The following DNAH8 variants were observed in gnomAD, a reference collection of about 807,000 sequenced individuals.
DNAH8 encodes dynein axonemal heavy chain 8.
In DNAH8, 382 loss-of-function variants were observed where a neutral mutation model predicts 562.1. The observed-to-expected ratio is 0.68, with a 90% CI of 0.63 to 0.74. The LOEUF (loss-of-function observed/expected upper bound fraction) is 0.74, where lower values mean the gene tolerates loss of function less well. Among genes scored for constraint, DNAH8 ranks in the 30% least tolerant of loss-of-function variants. DNAH8 has a pLI of 0.00. For missense variants in DNAH8, 5,203 were observed against 5,620.4 expected, an observed-to-expected ratio of 0.93 and a Z score of 2.37; for synonymous variants, 1,881 against 1,919.4, an observed-to-expected ratio of 0.98 and a Z score of 0.52.
rs1266478832 is a variant in DNAH8 at position 38,838,009 on chromosome 6, C to A, written c.4433C>A (p.Pro1478His). The change falls in exon 33 of 93, where the codon CCT becomes CAT. Residue 1478 changes from proline to histidine, a missense_variant. By Grantham distance (77) the Pro-to-His change is moderately conservative. Around this residue, in one of 6 missense-constraint regions of DNAH8, gnomAD observed 2,176 missense variants for 2,365.1 expected, o/e 0.92. Transcript: ENST00000327475. ...YSSGEQLFGLPVTDYEVLHKT... is the reference protein window; with the variant it reads ...YSSGEQLFGLHVTDYEVLHKT... ...TCTGGTGAACAACTTTTTGGATTGC[C>A]TGTGACTGATTATGAGGTTTTACAC... 6.2e-7 allele frequency: 1 copy of A among 1,612,504 alleles called. No individual in the cohort carries two copies. Among genetic ancestry groups the A allele is most frequent in the East Asian group, 2.2e-5 (1 of 44,748 alleles).
At chr6:38,861,574 T>C (rs1776621129) in intron 43 of DNAH8, among the ~76,000 whole-genome samples, 1 of 152,200 alleles carries the variant, frequency 6.6e-6, no homozygotes, top group African/African-American at 2.4e-5. Flanking sequence ...TTTTTTTGTT[T>C]TGAGACAGAG....
chr6:38,801,792 C>T (rs547038225), intron 21 of DNAH8, among the ~76,000 whole-genome samples: 1 of 152,254 alleles, frequency 6.6e-6, no homozygotes, highest in South Asian at 2.1e-4. Context: ...CATTCAGATA[C>T]AGATTAGACA....
chr6:39,025,306 A>G (rs994114215), intron 91 of DNAH8, among the ~76,000 whole-genome samples: 3 of 152,120 alleles, frequency 2.0e-5, no homozygotes, highest in African/African-American at 7.2e-5. Context: ...TTTTTTCATA[A>G]TGACAACGTT....
chr6:38,863,518 A>G (rs140169738), intron 44 of DNAH8, among the ~76,000 whole-genome samples: 183 of 152,260 alleles, frequency 1.2e-3, no homozygotes, highest in African/African-American at 4.1e-3. Context: ...AACAACAACA[A>G]CAACAAACAA....
chr6:38,821,344 C>T (rs1186976936), intron 26 of DNAH8, among the ~76,000 whole-genome samples: 2 of 152,176 alleles, frequency 1.3e-5, no homozygotes, highest in Non-Finnish European at 2.9e-5. Flanking sequence ...AGAGATACAT[C>T]ATGCTCATGG....
chr6:38,757,351 C>T (rs1323006411), intron 10 of DNAH8, among the ~76,000 whole-genome samples: 1 of 151,934 alleles, frequency 6.6e-6, no homozygotes, highest in Non-Finnish European at 1.5e-5. Context: ...ATCCTTTGCC[C>T]ACTTTTTGAT....
intron 56 of DNAH8, among the ~76,000 whole-genome samples, chr6:38,884,907 C>A (rs908300247): frequency 1.4e-5 from 2 of 138,550 alleles, no homozygotes; most frequent in Admixed American, 1.4e-4. Flanking sequence ...CTGGTGGGAT[C>A]CCCAACACTT....
chr6:38,884,380 C>T (rs1220560287), intron 56 of DNAH8, among the ~76,000 whole-genome samples: 1 of 152,196 alleles, frequency 6.6e-6, no homozygotes, highest in Non-Finnish European at 1.5e-5. Flanking sequence ...GCAAGCTCCA[C>T]CTCCCGGGCT....
At chr6:38,775,677 G>T in intron 12 of DNAH8, 77 bp from the exon 13 acceptor site, 1 of 868,662 alleles carries the variant, frequency 1.2e-6, no homozygotes, top group Non-Finnish European at 1.8e-6. Context: ...TTATATCAAT[G>T]ATTCATTAAG....
intron 74 of DNAH8, chr6:38,929,233 G>A (rs1410549506): frequency 2.0e-5 from 5 of 249,786 alleles, no homozygotes; most frequent in Non-Finnish European, 2.3e-5. Flanking sequence ...TCTTCCATCT[G>A]TCAGGAGCAG....
At chr6:38,749,299 A>T (rs1765223415) in intron 8 of DNAH8, among the ~76,000 whole-genome samples, 1 of 152,114 alleles carries the variant, frequency 6.6e-6, no homozygotes, top group African/African-American at 2.4e-5. Flanking sequence ...ACATGTACTC[A>T]CTCATAAGTG....
At chr6:39,003,671 G>A (rs145486495) in intron 88 of DNAH8, among the ~76,000 whole-genome samples, 49 of 151,976 alleles carry the variant, frequency 3.2e-4, no homozygotes, top group African/African-American at 1.0e-3. Flanking sequence ...ATGACACCTC[G>A]CATGATCAAT....
chr6:38,965,165 C>A (rs1402300543), intron 82 of DNAH8, among the ~76,000 whole-genome samples: 2 of 151,744 alleles, frequency 1.3e-5, no homozygotes, highest in Non-Finnish European at 2.9e-5. Context: ...GATAGGTCTA[C>A]AAACCCTTGG....
chr6:38,915,399 C>T, intron 68 of DNAH8, 22 bp downstream of exon 68: 1 of 1,506,814 alleles, frequency 6.6e-7, no homozygotes, highest in Non-Finnish European at 8.8e-7. Context: ...ATTGTTACCC[C>T]TTCCAACACA....
chr6:38,917,792 C>T (rs1466967882), intron 69 of DNAH8, 133 bp from the exon 70 acceptor site: 1 of 650,040 alleles, frequency 1.5e-6, no homozygotes, highest in African/African-American at 1.8e-5. Context: ...TGGCTACTGC[C>T]AATAGTCTCA....
intron 70 of DNAH8, among the ~76,000 whole-genome samples, chr6:38,919,890 T>A (rs771038921): frequency 7.9e-5 from 12 of 152,060 alleles, no homozygotes; most frequent in Non-Finnish European, 1.8e-4. Context: ...CTCATAAGCA[T>A]ACATACACAT....
At chr6:38,957,419 C>T (rs1762317513) in intron 82 of DNAH8, among the ~76,000 whole-genome samples, 1 of 151,566 alleles carries the variant, frequency 6.6e-6, no homozygotes, top group Non-Finnish European at 1.5e-5. Context: ...ATGGACAAAT[C>T]ACCCAGATAG....
At chr6:38,852,820 T>G (rs763160830) in intron 40 of DNAH8, 22 bp downstream of exon 40, 5 of 1,576,226 alleles carry the variant, frequency 3.2e-6, no homozygotes, top group Non-Finnish European at 4.4e-6. Context: ...TGCTTTAAAT[T>G]TTTTTATTAG....
chr6:38,808,314 A>G (rs1188886655), intron 24 of DNAH8, among the ~76,000 whole-genome samples: 1 of 152,164 alleles, frequency 6.6e-6, no homozygotes. Flanking sequence ...GCACATAGTG[A>G]GAGTACCCAT....
Sources: allele counts gnomAD v4.1 joint callset (sites outside exome capture counted in the v4.1 genomes callset), GRCh38; gene constraint gnomAD v4.1.1; regional missense constraint gnomAD v4.1.1; transcripts MANE v1.5; gene names NCBI Gene and HGNC (gene_info 2026-07-23, HGNC 2026-07-21).